The following SGCZ variants were observed in gnomAD, a reference collection of about 807,000 sequenced individuals.
SGCZ encodes zeta-sarcoglycan.
A neutral mutation model predicts 41.3 loss-of-function variants in SGCZ; 40 were observed. That is an observed-to-expected ratio of 0.97 (90% CI 0.75 to 1.26). SGCZ has a LOEUF of 1.26. Among genes scored for constraint, SGCZ ranks in the 50% most tolerant of loss-of-function variants. The pLI, the probability that SGCZ is intolerant of heterozygous loss-of-function variation, is 0.00. For synonymous variants in SGCZ, 206 were observed against 137.5 expected (o/e 1.50, Z -3.49); for missense variants, 552 against 369.8 (o/e 1.49, Z -4.04).
rs149419104 is a variant in SGCZ, at chr8:14,956,102, C to T, written c.39+281483G>A. ...GTCATCAGGCTGGAGGGCAATGGCG[C>T]GATCTCTGCTCACTGCAACCTCCAC... On this transcript the variant is annotated intron_variant, in intron 1 of 7. Transcript: ENST00000382080. 2.6e-3 allele frequency among the ~76,000 whole-genome samples: 377 copies of T among 145,488 alleles called. 3 individuals carry two copies. Among genetic ancestry groups the T allele is most frequent in the African/African-American group, 8.8e-3 (341 of 38,720 alleles).
intron 1 of SGCZ, among the ~76,000 whole-genome samples, chr8:15,043,050 A>C (rs1804167481): frequency 6.6e-6 from 1 of 152,208 alleles, no homozygotes; most frequent in South Asian, 2.1e-4. Context: ...CCCATGGAGC[A>C]CCACTGTCAT....
intron 4 of SGCZ, among the ~76,000 whole-genome samples, chr8:14,229,289 C>A (rs991780307): frequency 1.3e-5 from 2 of 152,018 alleles, no homozygotes; most frequent in African/African-American, 4.8e-5. Context: ...ATAAATACTC[C>A]TTTGATACAA....
At chr8:14,312,371 G>A (rs1348418150) in intron 3 of SGCZ, among the ~76,000 whole-genome samples, 1 of 152,106 alleles carries the variant, frequency 6.6e-6, no homozygotes, top group Non-Finnish European at 1.5e-5. Flanking sequence ...TGACTTAGAG[G>A]ATTCTATATA....
chr8:14,303,797 G>A (rs1313631621), intron 3 of SGCZ, among the ~76,000 whole-genome samples: 1 of 151,916 alleles, frequency 6.6e-6, no homozygotes, highest in Admixed American at 6.6e-5. Flanking sequence ...TGTCACCCAG[G>A]CTGGAGTGAA....
chr8:14,210,198 C>T (rs755363645), intron 4 of SGCZ, among the ~76,000 whole-genome samples: 1 of 152,130 alleles, frequency 6.6e-6, no homozygotes, highest in Non-Finnish European at 1.5e-5. Flanking sequence ...GCTGGGAATA[C>T]AGGTGCACAC....
rs1418632701 is a variant in SGCZ, at chr8:14,237,694, T to C, written c.337-15A>G. ...AGCGGACTATCCTGGGAAACATGTATAAAATAAATAAATAGAAAATAGAAA... is the reference window on the plus strand; with the variant it reads ...AGCGGACTATCCTGGGAAACATGTACAAAATAAATAAATAGAAAATAGAAA... On this transcript the variant is annotated splice_polypyrimidine_tract_variant and intron_variant, in intron 3 of 7. Coordinates refer to ENST00000382080, the MANE Select transcript of SGCZ (RefSeq NM_139167.4). 2 of 1,589,510 alleles carry C rather than the reference T, an allele frequency of 1.3e-6. No homozygotes were observed. Among genetic ancestry groups the C allele is most frequent in the East Asian group, 2.2e-5 (1 of 44,672 alleles).
intron 4 of SGCZ, among the ~76,000 whole-genome samples, chr8:14,166,121 T>TCA (rs1363754175): frequency 3.3e-5 from 5 of 152,282 alleles, no homozygotes; most frequent in Admixed American, 3.3e-4. Flanking sequence ...TTGAAAAGCT[T>TCA]CAACTAGGGC....
chr8:14,989,601 G>A (rs1801938565), intron 1 of SGCZ, among the ~76,000 whole-genome samples: 1 of 151,788 alleles, frequency 6.6e-6, no homozygotes, highest in African/African-American at 2.4e-5. Flanking sequence ...TTTCCTTTAA[G>A]GGAGCATGAA....
chr8:14,243,135 G>C (rs1798950944), intron 3 of SGCZ, among the ~76,000 whole-genome samples: 1 of 152,208 alleles, frequency 6.6e-6, no homozygotes, highest in African/African-American at 2.4e-5. Context: ...TATTGCCTAT[G>C]CAAATCTCCC....
chr8:14,527,055 A>T (rs771884613), intron 2 of SGCZ, among the ~76,000 whole-genome samples: 6 of 148,902 alleles, frequency 4.0e-5, no homozygotes, highest in Non-Finnish European at 7.4e-5. Flanking sequence ...CTTAATATAA[A>T]AAGATCCCAG....
intron 1 of SGCZ, among the ~76,000 whole-genome samples, chr8:14,738,044 A>G (rs1254256986): frequency 2.0e-5 from 3 of 152,098 alleles, no homozygotes; most frequent in African/African-American, 7.2e-5. Flanking sequence ...AAGCTCTCAC[A>G]TATAAATCCT....
At chr8:15,100,262 T>C (rs1356120880) in intron 1 of SGCZ, among the ~76,000 whole-genome samples, 4 of 152,168 alleles carry the variant, frequency 2.6e-5, no homozygotes, top group Non-Finnish European at 5.9e-5. Flanking sequence ...GGTTGCAGGA[T>C]ACAAAGTTAA....
At chr8:14,137,904 GA>G (rs1371292388) in intron 5 of SGCZ, among the ~76,000 whole-genome samples, 1 of 152,074 alleles carries the variant, frequency 6.6e-6, no homozygotes, top group Non-Finnish European at 1.5e-5. Context: ...TGAAATGAAG[GA>G]AAAAATATTA....
At chr8:14,170,410 T>A (rs1804342692) in intron 4 of SGCZ, among the ~76,000 whole-genome samples, 1 of 152,134 alleles carries the variant, frequency 6.6e-6, no homozygotes, top group Admixed American at 6.5e-5. Context: ...TAGATCTTTT[T>A]ATTCCTAAAA....
At chr8:15,038,781 G>A (rs368539201) in intron 1 of SGCZ, among the ~76,000 whole-genome samples, 4 of 127,092 alleles carry the variant, frequency 3.1e-5, no homozygotes, top group African/African-American at 1.3e-4. Flanking sequence ...AACCTGATTA[G>A]AGAATGGGCA....
intron 1 of SGCZ, among the ~76,000 whole-genome samples, chr8:14,869,993 G>A (rs1213245598): frequency 6.6e-6 from 1 of 152,132 alleles, no homozygotes; most frequent in Non-Finnish European, 1.5e-5. Context: ...TTGTTAAAAT[G>A]GCCATACTGC....
intron 3 of SGCZ, among the ~76,000 whole-genome samples, chr8:14,270,605 T>C (rs144912108): frequency 1.1e-4 from 16 of 152,262 alleles, no homozygotes; most frequent in African/African-American, 3.9e-4. Flanking sequence ...ACAGCTAAGA[T>C]TGGGTTGTGT....
chr8:14,385,117 G>C (rs1021880731), intron 2 of SGCZ, among the ~76,000 whole-genome samples: 1 of 152,120 alleles, frequency 6.6e-6, no homozygotes, highest in African/African-American at 2.4e-5. Context: ...GGGGTGACTG[G>C]TTTGTATCGT....
chr8:14,085,979 T>C lies in SGCZ; in HGVS notation c.*4464A>G, dbSNP rs2116938140. 6.6e-6 allele frequency among the ~76,000 whole-genome samples: 1 copy of C among 151,878 alleles called. No individual in the cohort carries two copies. Among genetic ancestry groups the C allele is most frequent in the Admixed American group, 6.6e-5 (1 of 15,186 alleles). ...CAGTATAAAACAACATGAATAACAG[T>C]GTTCAATTAAATTATTGATTAGTTT... On this transcript the variant is annotated 3_prime_UTR_variant, in exon 8 of 8. Transcript: ENST00000382080.
Sources: gnomAD v4.1 joint callset for allele counts (sites outside exome capture counted in the v4.1 genomes callset) on GRCh38, gnomAD v4.1.1 for gene constraint, MANE v1.5 for transcripts, NCBI Gene and HGNC (gene_info 2026-07-23, HGNC 2026-07-21) for gene names.